AKT3: variants seen among roughly 807,000 people sequenced by gnomAD.
AKT3 encodes the protein AKT serine/threonine kinase 3.
AKT3 carries 15 observed loss-of-function variants against 65.3 expected under a neutral mutation model. That is an observed-to-expected ratio of 0.23 (90% CI 0.15 to 0.35). The LOEUF is 0.35. AKT3 is among the 10% of genes least tolerant of loss of function. The probability of loss-of-function intolerance (pLI) is 1.00; values close to 1 mark genes in which losing one functional copy is unlikely to be tolerated. For synonymous variants in AKT3, 206 were observed against 183.8 expected, an observed-to-expected ratio of 1.12 and a Z score of -0.98; for missense variants, 243 against 576.5, an observed-to-expected ratio of 0.42 and a Z score of 5.92.
At chr1:243,610,986 A>G (rs1421978620) in intron 8 of AKT3, among the ~76,000 whole-genome samples, 1 of 152,208 alleles carries the variant, frequency 6.6e-6, no homozygotes, top group Non-Finnish European at 1.5e-5. Flanking sequence ...CAATGAGTAT[A>G]CTTATCTATA....
intron 1 of AKT3, among the ~76,000 whole-genome samples, chr1:243,845,075 T>C (rs1215622927): frequency 6.6e-6 from 1 of 152,202 alleles, no homozygotes; most frequent in Non-Finnish European, 1.5e-5. Context: ...TTAAGTTCAG[T>C]GTTAGACTCC....
At chr1:243,525,749 G>A (rs1233431753) in intron 12 of AKT3, among the ~76,000 whole-genome samples, 2 of 85,506 alleles carry the variant, frequency 2.3e-5, no homozygotes, top group Non-Finnish European at 4.3e-5. Flanking sequence ...CTTCATACCT[G>A]TTGGACAACT....
intron 2 of AKT3, among the ~76,000 whole-genome samples, chr1:243,702,434 A>C (rs1429072969): frequency 6.6e-6 from 1 of 152,182 alleles, no homozygotes; most frequent in East Asian, 1.9e-4. Flanking sequence ...CAGGGTCCTC[A>C]TCTGAAAAAC....
At chr1:243,745,272 T>G (rs1278715231) in intron 2 of AKT3, among the ~76,000 whole-genome samples, 2 of 151,998 alleles carry the variant, frequency 1.3e-5, no homozygotes, top group African/African-American at 2.4e-5. Flanking sequence ...CCCAGGAGGT[T>G]GAGGTTGCAG....
At chr1:243,830,084 A>T (rs1266621168) in intron 2 of AKT3, among the ~76,000 whole-genome samples, 2 of 152,174 alleles carry the variant, frequency 1.3e-5, no homozygotes, top group African/African-American at 4.8e-5. Context: ...GGATTCAACC[A>T]ACCACAGATC....
intron 1 of AKT3, among the ~76,000 whole-genome samples, chr1:243,844,939 G>C (rs1695447943): frequency 6.6e-6 from 1 of 152,080 alleles, no homozygotes; most frequent in Admixed American, 6.5e-5. Context: ...AAAAAATGTG[G>C]TCCAGGTACA....
chr1:243,667,947 T>C (rs569387268), intron 3 of AKT3, among the ~76,000 whole-genome samples: 3 of 152,326 alleles, frequency 2.0e-5, no homozygotes, highest in Admixed American at 1.3e-4. Context: ...CCCGCACAGC[T>C]GCTCTCTTAG....
chr1:243,664,175 A>G (rs1169274362), intron 4 of AKT3, among the ~76,000 whole-genome samples: 4 of 145,954 alleles, frequency 2.7e-5, no homozygotes, highest in African/African-American at 1.0e-4. Context: ...TAGTTTGGCT[A>G]TAAAAATGTC....
intron 4 of AKT3, among the ~76,000 whole-genome samples, chr1:243,664,136 C>T (rs942154752): frequency 1.4e-5 from 2 of 140,126 alleles, no homozygotes; most frequent in Non-Finnish European, 3.1e-5. Flanking sequence ...AGTATGAATA[C>T]AATCAATTAT....
intron 2 of AKT3, among the ~76,000 whole-genome samples, chr1:243,709,154 C>T (rs1685991586): frequency 6.6e-6 from 1 of 150,962 alleles, no homozygotes; most frequent in Non-Finnish European, 1.5e-5. Context: ...GTATGATAGA[C>T]CTTTACTTTA....
intron 12 of AKT3, among the ~76,000 whole-genome samples, chr1:243,519,033 C>A (rs1237099856): frequency 6.6e-6 from 1 of 152,150 alleles, no homozygotes; most frequent in Non-Finnish European, 1.5e-5. Context: ...CCAAATAAAT[C>A]AGCAGTCTAA....
intron 6 of AKT3, among the ~76,000 whole-genome samples, chr1:243,616,639 C>A (rs942897808): frequency 6.6e-6 from 1 of 152,004 alleles, no homozygotes; most frequent in African/African-American, 2.4e-5. Context: ...GTCAGAAAAT[C>A]AAAATTAGAT....
At chr1:243,773,209 T>C (rs73128283) in intron 2 of AKT3, among the ~76,000 whole-genome samples, 1 of 139,622 alleles carries the variant, frequency 7.2e-6, no homozygotes, top group Non-Finnish European at 1.5e-5. Flanking sequence ...ATATAAAAAA[T>C]ATATATATAT....
At chr1:243,781,445 G>A (rs141178010) in intron 2 of AKT3, among the ~76,000 whole-genome samples, 10 of 151,888 alleles carry the variant, frequency 6.6e-5, no homozygotes, top group East Asian at 5.8e-4. Context: ...CTCCTCTGTC[G>A]AATGCCTCTT....
At chr1:243,732,366 C>G (rs1020204460) in intron 2 of AKT3, among the ~76,000 whole-genome samples, 1 of 152,208 alleles carries the variant, frequency 6.6e-6, no homozygotes, top group African/African-American at 2.4e-5. Context: ...TTCTCCACTC[C>G]CTTGCTGAGC....
intron 6 of AKT3, among the ~76,000 whole-genome samples, chr1:243,623,144 T>C (rs777839825): frequency 2.4e-4 from 37 of 152,248 alleles, no homozygotes; most frequent in Non-Finnish European, 4.7e-4. Context: ...GACTAGATAG[T>C]TTATGCAAAC....
chr1:243,779,115 A>C (rs1433575382), intron 2 of AKT3, among the ~76,000 whole-genome samples: 2 of 152,120 alleles, frequency 1.3e-5, no homozygotes, highest in Non-Finnish European at 2.9e-5. Context: ...ATATGAATAG[A>C]AAAAGGGAGA....
intron 8 of AKT3, among the ~76,000 whole-genome samples, chr1:243,611,225 A>G (rs1187712875): frequency 1.3e-5 from 2 of 152,146 alleles, no homozygotes; most frequent in East Asian, 3.8e-4. Context: ...CCACACATAC[A>G]TTACTTTAAA....
intron 2 of AKT3, among the ~76,000 whole-genome samples, chr1:243,770,547 G>A (rs1690115185): frequency 6.6e-6 from 1 of 151,930 alleles, no homozygotes; most frequent in African/African-American, 2.4e-5. Flanking sequence ...GACAGAGATA[G>A]GCATGTATAT....
Sources: gnomAD v4.1 joint callset for allele counts (sites outside exome capture counted in the v4.1 genomes callset) on GRCh38, gnomAD v4.1.1 for gene constraint, MANE v1.5 for transcripts, NCBI Gene and HGNC (gene_info 2026-07-23, HGNC 2026-07-21) for gene names.